The following RERG variants were observed in gnomAD, a reference collection of about 807,000 sequenced individuals.
RERG encodes the protein ras-related and estrogen-regulated growth inhibitor.
A neutral mutation model predicts 23.2 loss-of-function variants in RERG; 25 were observed. The observed-to-expected ratio is 1.08, with a 90% CI of 0.79 to 1.50. The LOEUF is 1.50. Ranked by LOEUF, RERG falls within the 40% of genes most tolerant of loss-of-function variation. RERG has a pLI of 0.00. For synonymous variants in RERG, 81 were observed against 89.1 expected (o/e 0.91, Z 0.51); for missense variants, 253 against 250.1 (o/e 1.01, Z -0.08).
intron 2 of RERG, among the ~76,000 whole-genome samples, chr12:15,210,534 A>T (rs1418314765): frequency 6.6e-6 from 1 of 152,164 alleles, no homozygotes; most frequent in Non-Finnish European, 1.5e-5. Flanking sequence ...CCTGCAAAGT[A>T]CTTAGCCACC....
At chr12:15,184,886 G>A (rs1191443400) in intron 2 of RERG, among the ~76,000 whole-genome samples, 1 of 152,174 alleles carries the variant, frequency 6.6e-6, no homozygotes. Context: ...GGCAGGCATA[G>A]AGAAGGACAT....
intron 2 of RERG, among the ~76,000 whole-genome samples, chr12:15,191,948 T>C (rs1244742284): frequency 1.3e-5 from 2 of 152,084 alleles, no homozygotes; most frequent in African/African-American, 2.4e-5. Flanking sequence ...TGAGCTGCTG[T>C]TGAATGAACA....
intron 2 of RERG, among the ~76,000 whole-genome samples, chr12:15,182,282 T>C (rs545969247): frequency 2.8e-4 from 42 of 152,188 alleles, no homozygotes; most frequent in African/African-American, 9.1e-4. Context: ...GGTCTCAAAC[T>C]CCCGGCCTTA....
At chr12:15,200,102 C>T (rs547368156) in intron 2 of RERG, among the ~76,000 whole-genome samples, 1 of 152,008 alleles carries the variant, frequency 6.6e-6, no homozygotes, top group African/African-American at 2.4e-5. Flanking sequence ...CTGTAGATGA[C>T]CAAGAAAGAA....
At chr12:15,131,568 A>G (rs1392373291) in intron 2 of RERG, among the ~76,000 whole-genome samples, 1 of 152,208 alleles carries the variant, frequency 6.6e-6, no homozygotes, top group East Asian at 1.9e-4. Context: ...ACTAGGGCAC[A>G]TAAGAAATTG....
chr12:15,129,469 T>C (rs1864006292), intron 2 of RERG, among the ~76,000 whole-genome samples: 1 of 152,170 alleles, frequency 6.6e-6, no homozygotes, highest in Non-Finnish European at 1.5e-5. Flanking sequence ...TCCACACATG[T>C]GACTTTCACA....
chr12:15,128,691 A>G (rs950033884), intron 2 of RERG, among the ~76,000 whole-genome samples: 1 of 152,220 alleles, frequency 6.6e-6, no homozygotes, highest in African/African-American at 2.4e-5. Flanking sequence ...GTTTTCTGGA[A>G]AAACTCTAGC....
chr12:15,138,720 T>C (rs1449796612), intron 2 of RERG, among the ~76,000 whole-genome samples: 1 of 152,056 alleles, frequency 6.6e-6, no homozygotes, highest in African/African-American at 2.4e-5. Context: ...TTTGCACATA[T>C]GTGTTATTTG....
chr12:15,121,339 T>C (rs577348170), intron 2 of RERG, among the ~76,000 whole-genome samples: 1 of 152,324 alleles, frequency 6.6e-6, no homozygotes, highest in South Asian at 2.1e-4. Context: ...TTATTGTGCA[T>C]TAGTCAACAA....
At chr12:15,163,747 A>C (rs942051321) in intron 2 of RERG, among the ~76,000 whole-genome samples, 13 of 152,234 alleles carry the variant, frequency 8.5e-5, no homozygotes, top group Non-Finnish European at 1.3e-4. Flanking sequence ...AGAGCCCAGC[A>C]TCTGGAGCTG....
Position 15,108,384 on chromosome 12 carries a change from C to A in RERG, c.*726G>T, listed in dbSNP as rs1245579627. The A allele has an allele frequency of 6.6e-6, 1 of 152,490 alleles. No homozygotes were observed. The highest frequency in any genetic ancestry group is 1.5e-5 in the Non-Finnish European group (1 of 68,020). The allele number at this position is 152,490 out of a possible 1,614,324, so 9.4% of individuals were successfully genotyped here. ...GAAAAGACTTCCAATGTTTTTATAT[C>A]ACCCTGACTTGATGAAAAAAGGCCC... On this transcript the variant is annotated 3_prime_UTR_variant, in exon 5 of 5. Transcript: ENST00000256953.
At chr12:15,116,766 A>G (rs1022219610) in intron 3 of RERG, among the ~76,000 whole-genome samples, 7 of 152,176 alleles carry the variant, frequency 4.6e-5, no homozygotes, top group African/African-American at 9.7e-5. Flanking sequence ...TGTACTAAGT[A>G]GTTTTTGAAA....
chr12:15,117,845 C>A (rs1275754568), intron 3 of RERG, among the ~76,000 whole-genome samples: 1 of 152,060 alleles, frequency 6.6e-6, no homozygotes, highest in African/African-American at 2.4e-5. Flanking sequence ...TGTTGTTCTA[C>A]AATCAGATAA....
Position 15,219,985 on chromosome 12 carries a change from G to A in RERG, c.-115+1210C>T, listed in dbSNP as rs575847923. ...CTGGTTATTGTCAACCTAATTTTAT[G>A]TTTAGAAAAATCACTTAAAGGAAGA... On this transcript the variant is annotated intron_variant, in intron 1 of 4. Transcript: ENST00000256953. Among the ~76,000 whole-genome samples, 526 of 152,248 alleles carry A rather than the reference G, an allele frequency of 3.5e-3. 2 individuals are homozygous for A. Among genetic ancestry groups the A allele is most frequent in the Non-Finnish European group, 5.9e-3 (398 of 67,992 alleles).
At chr12:15,113,125 T>C (rs955381449) in intron 3 of RERG, among the ~76,000 whole-genome samples, 2 of 152,192 alleles carry the variant, frequency 1.3e-5, no homozygotes, top group African/African-American at 4.8e-5. Flanking sequence ...ATTCTATCAG[T>C]ATATCAGGGT....
In RERG at chr12:15,209,755, T is replaced by C. The variant is rs1189520653; in HGVS notation, c.61+7674A>G. Among the ~76,000 whole-genome samples the C allele has an allele frequency of 2.6e-5, 4 of 152,298 alleles. No individual in the cohort carries two copies. The East Asian group carries it at 5.8e-4, about 22-fold the overall frequency. ...TTCTAATGGTCATTTCATTTTCTAA[T>C]ATAAAATATCTGAGAAGATGTGGAA... On this transcript the variant is annotated intron_variant, in intron 2 of 4. Transcript: ENST00000256953.
intron 1 of RERG, chr12:15,218,190 T>C (rs945281822): frequency 1.3e-5 from 2 of 152,216 alleles, no homozygotes; most frequent in Non-Finnish European, 1.5e-5. Flanking sequence ...TTTCTATATT[T>C]TGCTGGACAC....
chr12:15,199,377 T>G (rs1865187421), intron 2 of RERG, among the ~76,000 whole-genome samples: 1 of 152,130 alleles, frequency 6.6e-6, no homozygotes, highest in Non-Finnish European at 1.5e-5. Context: ...TGGCTTTTAT[T>G]TTTTGTTTTT....
At chr12:15,111,864 C>A (rs533407184) in intron 3 of RERG, among the ~76,000 whole-genome samples, 30 of 152,046 alleles carry the variant, frequency 2.0e-4, no homozygotes, top group Admixed American at 2.0e-3. Flanking sequence ...TTAGTGGAGA[C>A]AAGGTTTCAC....
Sources: allele counts gnomAD v4.1 joint callset (sites outside exome capture counted in the v4.1 genomes callset), GRCh38; gene constraint gnomAD v4.1.1; transcripts MANE v1.5; gene names NCBI Gene and HGNC (gene_info 2026-07-23, HGNC 2026-07-21).